The following SEM1 variants were observed in gnomAD, a reference collection of about 807,000 sequenced individuals.
SEM1 encodes the protein SEM1 26S proteasome subunit.
In SEM1, 3 loss-of-function variants were observed where a neutral mutation model predicts 12.7. That is an observed-to-expected ratio of 0.24 (90% confidence interval 0.11 to 0.61). The LOEUF (loss-of-function observed/expected upper bound fraction) is 0.61, where lower values mean the gene tolerates loss of function less well. Among genes scored for constraint, SEM1 ranks in the 20% least tolerant of loss-of-function variants. The pLI is 0.88. For missense variants in SEM1, 59 were observed against 81.3 expected, an observed-to-expected ratio of 0.73 and a Z score of 1.06; for synonymous variants, 30 against 27.8, an observed-to-expected ratio of 1.08 and a Z score of -0.25.
intron 2 of SEM1, among the ~76,000 whole-genome samples, chr7:96,547,261 T>C (rs1805131270): frequency 6.6e-6 from 1 of 152,156 alleles, no homozygotes; most frequent in Non-Finnish European, 1.5e-5. Flanking sequence ...CATTTAGGAA[T>C]CTCTGTCAGC....
chr7:96,686,331 T>C (rs1168769290), downstream of SEM1, among the ~76,000 whole-genome samples: 1 of 152,168 alleles, frequency 6.6e-6, no homozygotes, highest in Non-Finnish European at 1.5e-5. Context: ...TAAATTTTGA[T>C]ATTTAATTAA....
chr7:96,524,969 T>C (rs1804403950), intron 2 of SEM1, among the ~76,000 whole-genome samples: 1 of 152,148 alleles, frequency 6.6e-6, no homozygotes, highest in African/African-American at 2.4e-5. Context: ...AAAATATATG[T>C]CCTCAATCAG....
intron 2 of SEM1, among the ~76,000 whole-genome samples, chr7:96,675,598 G>C (rs987151620): frequency 1.3e-5 from 2 of 152,138 alleles, no homozygotes; most frequent in Non-Finnish European, 2.9e-5. Context: ...TCTCCTTGGG[G>C]ATAACTCAAA....
At chr7:96,691,987 T>C (rs1415064212) in intron 2 of SEM1, among the ~76,000 whole-genome samples, 1 of 152,076 alleles carries the variant, frequency 6.6e-6, no homozygotes, top group African/African-American at 2.4e-5. Context: ...GCATCAAGAT[T>C]TATATACCTC....
intron 3 of SEM1, among the ~76,000 whole-genome samples, chr7:96,504,504 C>G (rs1803683598): frequency 6.6e-6 from 1 of 152,090 alleles, no homozygotes; most frequent in Non-Finnish European, 1.5e-5. Context: ...TCATTTACAT[C>G]TATACCTCTC....
intron 2 of SEM1, among the ~76,000 whole-genome samples, chr7:96,663,537 G>C (rs1789076130): frequency 6.6e-6 from 1 of 152,214 alleles, no homozygotes; most frequent in South Asian, 2.1e-4. Flanking sequence ...TGGATAGGAA[G>C]AGCCTCTGCC....
chr7:96,528,838 C>G (rs1449648967), intron 2 of SEM1, among the ~76,000 whole-genome samples: 1 of 152,066 alleles, frequency 6.6e-6, no homozygotes, highest in Non-Finnish European at 1.5e-5. Flanking sequence ...TCATCCTATA[C>G]CCACCAGCAG....
At chr7:96,552,891 C>A (rs1278606049) in intron 2 of SEM1, among the ~76,000 whole-genome samples, 1 of 149,334 alleles carries the variant, frequency 6.7e-6, no homozygotes, top group African/African-American at 2.5e-5. Flanking sequence ...GCCATTCTAA[C>A]TGGTGTGAGA....
chr7:96,520,565 A>G (rs1387282773), intron 2 of SEM1, among the ~76,000 whole-genome samples: 1 of 151,980 alleles, frequency 6.6e-6, no homozygotes, highest in Non-Finnish European at 1.5e-5. Flanking sequence ...CTGGTGGGTT[A>G]CTCTCTAGTC....
At chr7:96,558,319 G>A (rs1805592226) in intron 2 of SEM1, 1 of 152,290 alleles carries the variant, frequency 6.6e-6, no homozygotes, top group South Asian at 2.1e-4. Flanking sequence ...CCTTCCAGAA[G>A]TTTAGTTGGG....
Position 96,531,439 on chromosome 7 carries a change from C to A in SEM1, c.171-24741G>T, listed in dbSNP as rs569724323. ...TAAAAAAAAAAACAACAAAAAAAAA[C>A]AAACAAAAAGAAAAACTAGTCAGGC... is the stretch of plus-strand genomic sequence containing the variant. On this transcript the variant is annotated intron_variant and NMD_transcript_variant, in intron 2 of 3. Coordinates refer to the SEM1 transcript ENST00000466986. 5.7e-3 allele frequency among the ~76,000 whole-genome samples: 835 copies of A among 145,470 alleles called. 8 individuals carry two copies. The highest frequency in any genetic ancestry group is 0.021 in the African/African-American group (799 of 38,038).
intron 2 of SEM1, among the ~76,000 whole-genome samples, chr7:96,604,842 C>T (rs1291643195): frequency 6.6e-6 from 1 of 151,900 alleles, no homozygotes; most frequent in African/African-American, 2.4e-5. Context: ...TCTCTTGAAC[C>T]CAGTAGGCAG....
chr7:96,527,097 C>T (rs1207907823), intron 2 of SEM1, among the ~76,000 whole-genome samples: 1 of 151,450 alleles, frequency 6.6e-6, no homozygotes, highest in Non-Finnish European at 1.5e-5. Context: ...CAGGTTGGTA[C>T]ATAAAGAGCC....
chr7:96,579,917 AATT>A (rs1563069735), intron 2 of SEM1, among the ~76,000 whole-genome samples: 3 of 148,602 alleles, frequency 2.0e-5, no homozygotes, highest in African/African-American at 7.4e-5. Context: ...ATTATTACTA[AATT>A]TTAAAAAATT....
At chr7:96,653,751 T>G (rs1377594692) in intron 2 of SEM1, 1 of 152,222 alleles carries the variant, frequency 6.6e-6, no homozygotes, top group African/African-American at 2.4e-5. Context: ...TTACCTAATC[T>G]TCCCGAAGTC....
rs190985855 is a variant in SEM1, at chr7:96,659,520, G to C, written c.170+35278C>G. The stretch of plus-strand genomic sequence containing the variant: ...CTTGTTTCAGAAGGACAACCTGAGA[G>C]ACACAAGAGGAAAAGTGAGCAAAGA... On this transcript the variant is annotated intron_variant, in intron 2 of 2. Coordinates refer to the SEM1 transcript ENST00000417009. Among the ~76,000 whole-genome samples the C allele has an allele frequency of 7.9e-5, 12 of 152,256 alleles. No individual in the cohort carries two copies. The East Asian group carries it at 2.3e-3, about 29-fold the overall frequency.
intron 2 of SEM1, among the ~76,000 whole-genome samples, chr7:96,607,595 T>C (rs1470385463): frequency 9.5e-6 from 1 of 105,588 alleles, no homozygotes; most frequent in East Asian, 3.0e-4. Flanking sequence ...GAGAAACAAC[T>C]AGGTAATAAT....
intron 1 of SEM1, among the ~76,000 whole-genome samples, chr7:96,703,972 A>ACACACACAC (rs1554437189): frequency 2.4e-4 from 34 of 142,182 alleles, no homozygotes; most frequent in African/African-American, 9.1e-4. Flanking sequence ...GTCTCTTAAA[A>ACACACACAC]ACACACACAC....
intron 2 of SEM1, among the ~76,000 whole-genome samples, chr7:96,516,374 C>A (rs565804528): frequency 6.6e-6 from 1 of 152,186 alleles, no homozygotes; most frequent in East Asian, 1.9e-4. Context: ...ACAAAGAATT[C>A]TTAAACCTGT....
Sources: gnomAD v4.1 joint callset for allele counts (sites outside exome capture counted in the v4.1 genomes callset) on GRCh38, gnomAD v4.1.1 for gene constraint, MANE v1.5 for transcripts, NCBI Gene and HGNC (gene_info 2026-07-23, HGNC 2026-07-21) for gene names.